The following FAM193A variants were observed in gnomAD, a reference collection of about 807,000 sequenced individuals.
The protein encoded by FAM193A is protein FAM193A.
A neutral mutation model predicts 126.5 loss-of-function variants in FAM193A; 22 were observed. That is an observed-to-expected ratio of 0.17 (90% CI 0.12 to 0.25). The LOEUF is 0.25. Ranked by LOEUF, FAM193A falls within the 10% of genes least tolerant of loss-of-function variation. FAM193A has a pLI of 1.00. For synonymous variants in FAM193A, 761 were observed against 646.8 expected (o/e 1.18, Z -2.68); for missense variants, 1,675 against 1,672.8 (o/e 1.00, Z -0.02).
intron 5 of FAM193A, among the ~76,000 whole-genome samples, chr4:2,639,023 A>G (rs1157195382): frequency 6.6e-6 from 1 of 152,180 alleles, no homozygotes; most frequent in Non-Finnish European, 1.5e-5. Flanking sequence ...TGACAGAGGG[A>G]AGCATGGATT....
At chr4:2,681,880 T>A (rs1298510410) in intron 13 of FAM193A, among the ~76,000 whole-genome samples, 3 of 152,170 alleles carry the variant, frequency 2.0e-5, no homozygotes, top group Non-Finnish European at 4.4e-5. Context: ...ATGTTTTTGT[T>A]TTCATTTGTC....
intron 20 of FAM193A, among the ~76,000 whole-genome samples, chr4:2,730,895 A>G (rs1019291221): frequency 6.6e-6 from 1 of 151,732 alleles, no homozygotes; most frequent in Non-Finnish European, 1.5e-5. Context: ...TTTGAAAAAA[A>G]TTAAAAATTA....
At chr4:2,591,431 A>G (rs1740567047) in intron 1 of FAM193A, among the ~76,000 whole-genome samples, 1 of 152,048 alleles carries the variant, frequency 6.6e-6, no homozygotes, top group Non-Finnish European at 1.5e-5. Flanking sequence ...GTACAGTGTG[A>G]GGGGGTTTTG....
chr4:2,672,488 G>A, intron 13 of FAM193A, 116 bp downstream of exon 13: 1 of 1,085,514 alleles, frequency 9.2e-7, no homozygotes. Flanking sequence ...CATCTGCTCT[G>A]GATAGGAAGG....
rs1721440704 is a variant in FAM193A at position 2,731,925 on chromosome 4, G to C, written c.*57G>C. The C allele has an allele frequency of 7.6e-7, 1 of 1,324,224 alleles. No homozygotes were observed. Among genetic ancestry groups the C allele is most frequent in the African/African-American group, 1.4e-5 (1 of 69,436 alleles). 82.0% of individuals were successfully genotyped at this position (1,324,224 alleles called of 1,614,324 possible). On this transcript the variant is annotated 3_prime_UTR_variant, in exon 21 of 21. Transcript: ENST00000637812. ...GGCAGGCCAGGCTGCACCACCCCAA[G>C]AGCCACGCCCCTCGCTGGCGCCCCA... is the stretch of plus-strand genomic sequence containing the variant.
At chr4:2,658,198 C>T (rs1434368461) in intron 8 of FAM193A, among the ~76,000 whole-genome samples, 1 of 152,120 alleles carries the variant, frequency 6.6e-6, no homozygotes, top group African/African-American at 2.4e-5. Context: ...CAGATGGTGC[C>T]ATCTGCAGTT....
At chr4:2,699,375 G>C (rs1424564063) in intron 18 of FAM193A, among the ~76,000 whole-genome samples, 1 of 148,594 alleles carries the variant, frequency 6.7e-6, no homozygotes, top group African/African-American at 2.5e-5. Flanking sequence ...CAGCTGCTTT[G>C]TCCTTGGTTA....
chr4:2,539,200 A>C (rs554214994), intron 1 of FAM193A, among the ~76,000 whole-genome samples: 1 of 152,134 alleles, frequency 6.6e-6, no homozygotes, highest in Non-Finnish European at 1.5e-5. Flanking sequence ...CCCTGCCTTT[A>C]TTATTTTTGT....
chr4:2,712,994 A>G (rs934172567), intron 19 of FAM193A, among the ~76,000 whole-genome samples: 4 of 151,786 alleles, frequency 2.6e-5, no homozygotes, highest in Non-Finnish European at 2.9e-5. Context: ...AGTCCTAGCT[A>G]CTTGGGAGGC....
At chr4:2,661,551 C>T (rs1712446401) in intron 10 of FAM193A, among the ~76,000 whole-genome samples, 1 of 152,170 alleles carries the variant, frequency 6.6e-6, no homozygotes, top group South Asian at 2.1e-4. Context: ...TGCAGTGGGC[C>T]TGCAGGAAGC....
At chr4:2,607,497 A>C (rs1031378702) in intron 2 of FAM193A, among the ~76,000 whole-genome samples, 1 of 152,206 alleles carries the variant, frequency 6.6e-6, no homozygotes, top group Admixed American at 6.5e-5. Context: ...TTTGCTAGCC[A>C]TTAGTAGTTA....
Position 2,612,362 on chromosome 4 carries a change from G to A in FAM193A, c.502-12900G>A, listed in dbSNP as rs371949356. Among the ~76,000 whole-genome samples the A allele has an allele frequency of 4.0e-5, 6 of 151,890 alleles. 1 individual carries two copies. Among genetic ancestry groups the A allele is most frequent in the East Asian group, 2.0e-4 (1 of 5,100 alleles). Reference sequence around the variant, plus strand: ...TAAAAATACAAAAATTAGCCGAGACGGTGGCGTGCACCTGTAATCCTAGCT... The same window carrying A: ...TAAAAATACAAAAATTAGCCGAGACAGTGGCGTGCACCTGTAATCCTAGCT... On this transcript the variant is annotated intron_variant, in intron 2 of 20. Coordinates refer to ENST00000637812, the MANE Select transcript of FAM193A (RefSeq NM_001366318.2).
chr4:2,605,970 CAAAAAAAA>C (rs1160026686), intron 2 of FAM193A, among the ~76,000 whole-genome samples: 3 of 31,890 alleles, frequency 9.4e-5, no homozygotes, highest in Non-Finnish European at 1.1e-4. Context: ...GACTCTGTCT[CAAAAAAAA>C]AAAAAAAAAA....
intron 2 of FAM193A, chr4:2,607,848 G>A (rs953876486): frequency 3.3e-6 from 2 of 610,860 alleles, no homozygotes; most frequent in African/African-American, 3.9e-5. Context: ...TATACACTCA[G>A]TAGCAGCTCT....
chr4:2,596,438 C>G lies in FAM193A; in HGVS notation c.501+109C>G. 4.4e-5 allele frequency: 28 copies of G among 633,904 alleles called. 2 individuals carry two copies. In the South Asian group the frequency reaches 5.0e-4, roughly 11 times the overall value. 39.3% of individuals were successfully genotyped at this position (633,904 alleles called of 1,614,324 possible). ...TTTGCTTTTGCTTCAGGGGGCACTC[C>G]CTCCTGCACCACCTTCTAGTCTGTG... is the stretch of plus-strand genomic sequence containing the variant. On this transcript the variant is annotated intron_variant, in intron 2 of 20. Transcript: ENST00000637812.
At chr4:2,600,178 G>A (rs1741115317) in intron 2 of FAM193A, among the ~76,000 whole-genome samples, 1 of 152,124 alleles carries the variant, frequency 6.6e-6, no homozygotes, top group Admixed American at 6.5e-5. Flanking sequence ...GATTACAGGC[G>A]TGAGCCACTG....
At chr4:2,615,455 A>G (rs1471348544) in intron 2 of FAM193A, among the ~76,000 whole-genome samples, 1 of 152,014 alleles carries the variant, frequency 6.6e-6, no homozygotes, top group Non-Finnish European at 1.5e-5. Flanking sequence ...ATATTTTATA[A>G]TTGCCTTTAT....
In FAM193A at chr4:2,663,114, T is replaced by C. The variant is rs1297304196; in HGVS notation, c.1905T>C (p.Pro635=). 6.2e-7 allele frequency: 1 copy of C among 1,612,214 alleles called. No individual in the cohort carries two copies. The highest frequency in any genetic ancestry group is 8.5e-7 in the Non-Finnish European group (1 of 1,179,108). Residue 635 remains proline (P), a synonymous_variant, in exon 12 of 21, where the codon CCT becomes CCC. Coordinates refer to ENST00000637812, the MANE Select transcript of FAM193A (RefSeq NM_001366318.2). ...GENMALKDES[P]QISSTSSSSS... ...ACAAAAGATTGTCTTTAAAGTCTCCTCAGATAAGCAGTACCAGCAGTAGTT... is the reference window on the plus strand; with the variant it reads ...ACAAAAGATTGTCTTTAAAGTCTCCCCAGATAAGCAGTACCAGCAGTAGTT...
intron 2 of FAM193A, among the ~76,000 whole-genome samples, chr4:2,605,048 A>G (rs36034895): frequency 0.07 from 10,539 of 151,434 alleles, 645 homozygotes; most frequent in African/African-American, 0.16. Context: ...CGCCCAAGCA[A>G]TCCTACCACC....
Sources: allele counts gnomAD v4.1 joint callset (sites outside exome capture counted in the v4.1 genomes callset), GRCh38; gene constraint gnomAD v4.1.1; transcripts MANE v1.5; gene names NCBI Gene and HGNC (gene_info 2026-07-23, HGNC 2026-07-21).